Variants in ZEB1 observed in about 807,000 individuals in gnomAD.
ZEB1 encodes zinc finger E-box-binding homeobox 1.
In ZEB1, 21 loss-of-function variants were observed where a neutral mutation model predicts 84.9. The ratio of observed to expected loss-of-function variants is 0.25; its 90% CI spans 0.18 to 0.36. ZEB1 has a LOEUF of 0.36. ZEB1 is among the 10% of genes least tolerant of loss of function. The probability of loss-of-function intolerance (pLI) is 1.00; values close to 1 mark genes in which losing one functional copy is unlikely to be tolerated. For missense variants in ZEB1, 1,104 were observed against 1,330.2 expected, an observed-to-expected ratio of 0.83 and a Z score of 2.65; for synonymous variants, 420 against 471.1, an observed-to-expected ratio of 0.89 and a Z score of 1.41.
At chr10:31,446,379 A>AT (rs1466783341) in intron 1 of ZEB1, among the ~76,000 whole-genome samples, 1 of 151,774 alleles carries the variant, frequency 6.6e-6, no homozygotes, top group African/African-American at 2.4e-5. Flanking sequence ...GGATTCATTG[A>AT]TTTTTTGAAG....
At chr10:31,475,200 TAAAGTA>T (rs1289628202) in intron 2 of ZEB1, among the ~76,000 whole-genome samples, 2 of 149,028 alleles carry the variant, frequency 1.3e-5, no homozygotes, top group East Asian at 2.0e-4. Context: ...CCCTAAAACT[TAAAGTA>T]TAATAATAAA....
chr10:31,420,697 G>A (rs1250502266), intron 1 of ZEB1, among the ~76,000 whole-genome samples: 1 of 152,022 alleles, frequency 6.6e-6, no homozygotes, highest in Non-Finnish European at 1.5e-5. Context: ...ATATTCTCAG[G>A]TCCTACTTAT....
At chr10:31,493,105 G>A (rs2066770674) in intron 2 of ZEB1, among the ~76,000 whole-genome samples, 1 of 151,760 alleles carries the variant, frequency 6.6e-6, no homozygotes, top group Non-Finnish European at 1.5e-5. Flanking sequence ...CCCATTACAT[G>A]TTCACCCCTG....
intron 1 of ZEB1, among the ~76,000 whole-genome samples, chr10:31,343,874 G>A (rs1353967504): frequency 6.6e-6 from 1 of 152,142 alleles, no homozygotes; most frequent in East Asian, 1.9e-4. Flanking sequence ...CAAATCAGAT[G>A]TGTGTTTCGA....
At chr10:31,496,073 A>C (rs1021796409) in intron 3 of ZEB1, among the ~76,000 whole-genome samples, 4 of 152,238 alleles carry the variant, frequency 2.6e-5, no homozygotes, top group Admixed American at 6.6e-5. Context: ...TTCTATAAGA[A>C]TGACAAGTAT....
At chr10:31,465,773 G>A (rs2062345602) in intron 2 of ZEB1, among the ~76,000 whole-genome samples, 1 of 149,410 alleles carries the variant, frequency 6.7e-6, no homozygotes, top group Non-Finnish European at 1.5e-5. Context: ...GCCACCACAT[G>A]TGGCTAATTT....
chr10:31,463,575 G>A lies in ZEB1; in HGVS notation c.259+2338G>A, dbSNP rs1219548624. Among the ~76,000 whole-genome samples the A allele has an allele frequency of 3.3e-5, 5 of 152,158 alleles. No homozygotes were observed. In the South Asian group the frequency reaches 1.0e-3, roughly 32 times the overall value. On this transcript the variant is annotated intron_variant, in intron 2 of 8. Coordinates refer to ENST00000424869, the MANE Select transcript of ZEB1 (RefSeq NM_001174096.2). ...TGGATTATGTCTCGACTGTGAGGAT[G>A]AACTAAAAGCAAACCATTTTCCATC...
upstream of ZEB1, chr10:31,319,003 C>CA: frequency 1.7e-6 from 1 of 588,350 alleles, no homozygotes; most frequent in Non-Finnish European, 3.1e-6. Context: ...CCTCGCCCCT[C>CA]AATTCAAATT....
chr10:31,436,529 C>G (rs549432294), intron 1 of ZEB1, among the ~76,000 whole-genome samples: 1 of 152,172 alleles, frequency 6.6e-6, no homozygotes, highest in Non-Finnish European at 1.5e-5. Flanking sequence ...GTTACCAGTA[C>G]TAACTGGTCA....
rs530700986 is a variant in ZEB1, at chr10:31,454,169, T to C, written c.59-6868T>C. ...ACAAATCACAAAAACCACATTATTA[T>C]CTCAATAGATGCAGAAAAAGCCTTT... is the stretch of plus-strand genomic sequence containing the variant. On this transcript the variant is annotated intron_variant, in intron 1 of 8. Coordinates refer to ENST00000424869, the MANE Select transcript of ZEB1 (RefSeq NM_001174096.2). 9.8e-5 allele frequency among the ~76,000 whole-genome samples: 15 copies of C among 152,286 alleles called. 1 individual carries two copies. The highest frequency in any genetic ancestry group is 3.6e-4 in the African/African-American group (15 of 41,554).
At chr10:31,321,623 G>A in intron 1 of ZEB1, 1 of 1,593,014 alleles carries the variant, frequency 6.3e-7, no homozygotes, top group Non-Finnish European at 8.6e-7. Context: ...CTGACGACAT[G>A]TGTGTGACAT....
intron 1 of ZEB1, among the ~76,000 whole-genome samples, chr10:31,411,557 G>C (rs959570858): frequency 6.6e-6 from 1 of 151,438 alleles, no homozygotes; most frequent in Admixed American, 6.6e-5. Context: ...GCGTGAACCT[G>C]GGAAGCGGAG....
chr10:31,459,352 G>T (rs913353066), intron 1 of ZEB1, among the ~76,000 whole-genome samples: 3 of 152,026 alleles, frequency 2.0e-5, no homozygotes, highest in African/African-American at 7.2e-5. Flanking sequence ...TTAAATATAA[G>T]ATAAGGTGAG....
At chr10:31,400,524 A>G (rs2051770340) in intron 1 of ZEB1, among the ~76,000 whole-genome samples, 1 of 147,624 alleles carries the variant, frequency 6.8e-6, no homozygotes, top group African/African-American at 2.7e-5. Flanking sequence ...AAAAAAAAAT[A>G]TTATTTGAAC....
intron 2 of ZEB1, among the ~76,000 whole-genome samples, chr10:31,471,432 G>C (rs1314441584): frequency 1.3e-5 from 2 of 151,542 alleles, no homozygotes; most frequent in Non-Finnish European, 3.0e-5. Context: ...TGATAAAACA[G>C]ACCTTAAACC....
chr10:31,335,668 C>T (rs1002381049), intron 1 of ZEB1, among the ~76,000 whole-genome samples: 1 of 152,100 alleles, frequency 6.6e-6, no homozygotes, highest in African/African-American at 2.4e-5. Context: ...ACCTTCTTTC[C>T]ACTTCATGGT....
chr10:31,365,821 T>A (rs1363903646), intron 1 of ZEB1, among the ~76,000 whole-genome samples: 1 of 152,238 alleles, frequency 6.6e-6, no homozygotes, highest in Non-Finnish European at 1.5e-5. Context: ...GCCAAATTTG[T>A]GAACATTTTA....
chr10:31,406,481 G>A lies in ZEB1; in HGVS notation c.59-54556G>A, dbSNP rs370060448. ...TTTTTTTTTCATATATTTTTTGGCC[G>A]CATAAATGTCTTCTTTTGAGAAGTG... On this transcript the variant is annotated intron_variant, in intron 1 of 8. Transcript: ENST00000424869. Among the ~76,000 whole-genome samples the A allele has an allele frequency of 3.2e-4, 48 of 151,014 alleles. No homozygotes were observed. The East Asian group carries it at 6.6e-3, about 21-fold the overall frequency.
chr10:31,419,606 T>G (rs1296779204), intron 1 of ZEB1, among the ~76,000 whole-genome samples: 1 of 152,150 alleles, frequency 6.6e-6, no homozygotes, highest in Non-Finnish European at 1.5e-5. Context: ...TCACTGCCTC[T>G]GTTGTAACAT....
Sources: gnomAD v4.1 joint callset for allele counts (sites outside exome capture counted in the v4.1 genomes callset) on GRCh38, gnomAD v4.1.1 for gene constraint, MANE v1.5 for transcripts, NCBI Gene and HGNC (gene_info 2026-07-23, HGNC 2026-07-21) for gene names.